Variants in EHMT1 observed in about 807,000 individuals in gnomAD.
The protein encoded by EHMT1 is histone-lysine N-methyltransferase EHMT1.
EHMT1 carries 15 observed loss-of-function variants against 147.2 expected under a neutral mutation model. The ratio of observed to expected loss-of-function variants is 0.10; its 90% CI spans 0.07 to 0.16. The LOEUF is 0.16. Among genes scored for constraint, EHMT1 ranks in the 10% least tolerant of loss-of-function variants. The pLI is 1.00. For missense variants in EHMT1, 1,587 were observed against 1,772.4 expected (o/e 0.90, Z 1.88); for synonymous variants, 795 against 709.6 (o/e 1.12, Z -1.91).
intron 1 of EHMT1, among the ~76,000 whole-genome samples, chr9:137,658,732 C>T (rs535973284): frequency 6.6e-6 from 1 of 152,140 alleles, no homozygotes; most frequent in South Asian, 2.1e-4. Flanking sequence ...CCCACCTCAC[C>T]CTCCTGAGTA....
chr9:137,715,022 A>G (rs1165150224), intron 2 of EHMT1, among the ~76,000 whole-genome samples: 1 of 151,174 alleles, frequency 6.6e-6, no homozygotes, highest in East Asian at 1.9e-4. Context: ...TTTTTCTTAC[A>G]TTTTCTAGGT....
intron 1 of EHMT1, among the ~76,000 whole-genome samples, chr9:137,673,076 T>G (rs891590344): frequency 2.6e-5 from 4 of 152,328 alleles, no homozygotes; most frequent in Admixed American, 2.6e-4. Context: ...ATGGGTTGCT[T>G]TTTTGCCAAT....
At chr9:137,653,305 T>C (rs1043561018) in intron 1 of EHMT1, among the ~76,000 whole-genome samples, 1 of 152,224 alleles carries the variant, frequency 6.6e-6, no homozygotes, top group South Asian at 2.1e-4. Context: ...AGTAACATGC[T>C]GCATAGGTTT....
chr9:137,697,399 C>T (rs1943479699), intron 1 of EHMT1, among the ~76,000 whole-genome samples: 2 of 152,188 alleles, frequency 1.3e-5, no homozygotes, highest in Non-Finnish European at 2.9e-5. Context: ...AGCTCATTTG[C>T]CCTGAGGGAG....
At chr9:137,711,623 A>AGGGTGAGGGGAGTTG (rs1944731740) in intron 2 of EHMT1, among the ~76,000 whole-genome samples, 1 of 152,126 alleles carries the variant, frequency 6.6e-6, no homozygotes. Context: ...GCAGAGAGGC[A>AGGGTGAGGGGAGTTG]GGGTGAGGGG....
chr9:137,756,807 A>C (rs1432665600), intron 8 of EHMT1, among the ~76,000 whole-genome samples: 1 of 152,198 alleles, frequency 6.6e-6, no homozygotes, highest in Non-Finnish European at 1.5e-5. Flanking sequence ...TTTTTTATTT[A>C]AATCTTCTTT....
intron 14 of EHMT1, among the ~76,000 whole-genome samples, chr9:137,780,564 T>C: frequency 8.1e-6 from 1 of 123,486 alleles, no homozygotes; most frequent in Non-Finnish European, 1.7e-5. Flanking sequence ...ATGGCATCAC[T>C]GAGATGTGTG....
intron 1 of EHMT1, among the ~76,000 whole-genome samples, chr9:137,669,345 A>AGCACGTGCACTCACCT (rs1564562465): frequency 0.48 from 4,241 of 8,842 alleles, 1,538 homozygotes; most frequent in East Asian, 0.61. Context: ...TGGACCCCAC[A>AGCACGTGCACTCACCT]CCACCCAAGA....
At chr9:137,715,678 C>T in intron 2 of EHMT1, 1 of 985,450 alleles carries the variant, frequency 1.0e-6, no homozygotes, top group Middle Eastern at 5.2e-4. Context: ...GTCTCCTTGA[C>T]TGCCCTGGAT....
rs1426687443 is a variant in EHMT1, at chr9:137,802,905, A to G, written c.2712+1921A>G. 9 of 1,232,348 alleles carry G rather than the reference A, an allele frequency of 7.3e-6. No individual in the cohort carries two copies. The African/African-American group carries it at 1.1e-4, about 15-fold the overall frequency. The allele number at this position is 1,232,348 out of a possible 1,614,324, so 76.3% of individuals were successfully genotyped here. A position where few individuals can be genotyped will look rare whatever the true frequency, so the allele number is the denominator to read the frequency against. ...AGCCCTGAGCCGGCAGAAGGAAGAGAAGAGGGAAGCAGAGGAGCCCTGAGC... is the reference window on the plus strand; with the variant it reads ...AGCCCTGAGCCGGCAGAAGGAAGAGGAGAGGGAAGCAGAGGAGCCCTGAGC... On this transcript the variant is annotated intron_variant, in intron 18 of 26. Transcript: ENST00000460843.
In EHMT1 at chr9:137,813,495, C is replaced by G; in HGVS notation, c.3145C>G (p.Pro1049Ala). The G allele has an allele frequency of 6.2e-7, 1 of 1,614,052 alleles. No individual in the cohort carries two copies. Among genetic ancestry groups the G allele is most frequent in the African/African-American group, 1.3e-5 (1 of 75,058 alleles). The stretch of plus-strand genomic sequence containing the variant: ...CGTCTCTCAGAACTGCGTGACGTCC[C>G]CCATGAACATCGACAGAAATATCAC... ...KYVSQNCVTS[P>A]MNIDRNITHL... Residue 1049 changes from proline (P) to alanine (A), a missense_variant, in exon 21 of 27, where the codon CCC (proline) becomes GCC (alanine). Pro to Ala is a conservative substitution (Grantham distance 27). Around this residue, in one of 7 missense-constraint regions of EHMT1, gnomAD observed 156 missense variants for 252.5 expected, o/e 0.62. Coordinates refer to ENST00000460843, the MANE Select transcript of EHMT1 (RefSeq NM_024757.5). The surrounding 1 kb of genome is among the most constrained non-coding windows in gnomAD (Gnocchi z 4.9).
At chr9:137,724,659 C>T (rs959805998) in intron 3 of EHMT1, among the ~76,000 whole-genome samples, 2 of 152,186 alleles carry the variant, frequency 1.3e-5, no homozygotes, top group South Asian at 2.1e-4. Flanking sequence ...TTTGTAAGCA[C>T]CAGCTGAAGG....
At chr9:137,817,733 G>A (rs1955034723) in intron 24 of EHMT1, 5 of 672,344 alleles carry the variant, frequency 7.4e-6, no homozygotes, top group Non-Finnish European at 1.3e-5. Context: ...GCCCAGGAGT[G>A]CATTTAAGAA....
intron 1 of EHMT1, among the ~76,000 whole-genome samples, chr9:137,636,391 C>T (rs770618978): frequency 9.2e-5 from 14 of 152,070 alleles, no homozygotes; most frequent in Non-Finnish European, 1.8e-4. Flanking sequence ...TAAATCTGGA[C>T]ACTTTTTTGT....
rs149594396 is a variant in EHMT1 at position 137,763,308 on chromosome 9, G to A, written c.1647+488G>A. 796 of 244,494 alleles carry A rather than the reference G, an allele frequency of 3.3e-3. 2 individuals carry two copies. Among genetic ancestry groups the A allele is most frequent in the Admixed American group, 5.0e-3 (99 of 19,920 alleles). The allele number at this position is 244,494 out of a possible 1,614,324, so 15.1% of individuals were successfully genotyped here. On this transcript the variant is annotated intron_variant, in intron 10 of 26. Transcript: ENST00000460843. ...TCTGCTGCCTCTGGGACAGGAGGGG[G>A]GATCAGGCAGAGCACAGACGGAATT...
At chr9:137,627,204 C>G (rs1197837900) in intron 1 of EHMT1, among the ~76,000 whole-genome samples, 1 of 151,872 alleles carries the variant, frequency 6.6e-6, no homozygotes, top group Non-Finnish European at 1.5e-5. Flanking sequence ...GGTGACCCAC[C>G]CCCCTTGCCT....
chr9:137,676,839 C>G (rs1483138902), intron 1 of EHMT1, among the ~76,000 whole-genome samples: 1 of 152,062 alleles, frequency 6.6e-6, no homozygotes, highest in African/African-American at 2.4e-5. Flanking sequence ...GGGATTCCAT[C>G]TGTGAGATGG....
chr9:137,749,194 C>G (rs1456705401), intron 6 of EHMT1, among the ~76,000 whole-genome samples: 2 of 152,208 alleles, frequency 1.3e-5, no homozygotes, highest in African/African-American at 4.8e-5. Flanking sequence ...CTGGCCTGCT[C>G]CTGGCTTCTC....
intron 1 of EHMT1, among the ~76,000 whole-genome samples, chr9:137,697,481 T>A (rs1013794965): frequency 1.3e-5 from 2 of 152,240 alleles, no homozygotes; most frequent in Non-Finnish European, 2.9e-5. Flanking sequence ...ACAGTTTACC[T>A]AGCATACTGT....
Sources: gnomAD v4.1 joint callset for allele counts (sites outside exome capture counted in the v4.1 genomes callset) on GRCh38, gnomAD v4.1.1 for gene constraint, gnomAD v4.1.1 regional missense constraint, Gnocchi (gnomAD v3.1) non-coding constraint, MANE v1.5 for transcripts, NCBI Gene and HGNC (gene_info 2026-07-23, HGNC 2026-07-21) for gene names.